The following SEC23A variants were observed in gnomAD, a reference collection of about 807,000 sequenced individuals.
The protein encoded by SEC23A is SEC23 homolog A, COPII component, also known as protein transport protein Sec23A.
Under a neutral mutation model 103.7 loss-of-function variants are expected in SEC23A, and 56 were observed. That is an observed-to-expected ratio of 0.54 (90% CI 0.44 to 0.67). The LOEUF is 0.67. SEC23A is among the 30% of genes least tolerant of loss of function. The pLI, the probability that SEC23A is intolerant of heterozygous loss-of-function variation, is 0.00. For missense variants in SEC23A, 784 were observed against 936.4 expected (o/e 0.84, Z 2.12); for synonymous variants, 281 against 293.0 (o/e 0.96, Z 0.42).
At position 39,085,776 on chromosome 14, in the gene SEC23A, C is replaced by T. The variant is rs759006114; in HGVS notation, c.814G>A (p.Val272Ile). ...ATCTTCCCTACCTCCAGCAGTCCTA[C>T]AGCTATGGAAAGTGCCACCCCAGAG... is the stretch of plus-strand genomic sequence containing the variant. ...RSSGVALSIAVGLLECTFPNT... is the reference protein window; with the variant it reads ...RSSGVALSIAIGLLECTFPNT... The change falls in exon 7 of 20, where the codon GTA becomes ATA. Residue 272 changes from valine to isoleucine, a missense_variant. This residue lies in a region of SEC23A where 683 missense variants were observed against 774.2 expected (regional missense o/e 0.88). Coordinates refer to ENST00000307712, the MANE Select transcript of SEC23A (RefSeq NM_006364.4). 32 of 1,613,420 alleles carry T rather than the reference C, an allele frequency of 2.0e-5. No homozygotes were observed. In the Middle Eastern group the frequency reaches 4.9e-4, roughly 25 times the overall value.
At chr14:39,099,391 C>A (rs991750693) in intron 1 of SEC23A, among the ~76,000 whole-genome samples, 1 of 151,882 alleles carries the variant, frequency 6.6e-6, no homozygotes, top group African/African-American at 2.4e-5. Flanking sequence ...ATTGTCTGAC[C>A]TCGTGATCCG....
In SEC23A at chr14:39,055,179, A is replaced by G; in HGVS notation, c.1623T>C (p.Asp541=). The change falls in exon 14 of 20, where the codon GAT becomes GAC. Residue 541 remains aspartate, a synonymous_variant. Transcript: ENST00000307712. Reference sequence around the variant, plus strand: ...GCTGTCTGTCCAGCCACCTAAGCACATCTGGACCTTCTTCTGTTTCTGCTC... The same window carrying G: ...GCTGTCTGTCCAGCCACCTAAGCACGTCTGGACCTTCTTCTGTTTCTGCTC... ...IYRAETEEGP[D]VLRWLDRQLI... 1 of 1,614,202 alleles carries G rather than the reference A, an allele frequency of 6.2e-7. No homozygotes were observed. Among genetic ancestry groups the G allele is most frequent in the Non-Finnish European group, 8.5e-7 (1 of 1,180,042 alleles).
intron 7 of SEC23A, among the ~76,000 whole-genome samples, chr14:39,083,414 T>C (rs918831836): frequency 2.6e-5 from 4 of 152,064 alleles, no homozygotes; most frequent in Non-Finnish European, 4.4e-5. Flanking sequence ...CCCACCTATC[T>C]GGATGGAACC....
intron 17 of SEC23A, chr14:39,041,187 T>C (rs994791148): frequency 2.6e-5 from 6 of 232,514 alleles, no homozygotes; most frequent in African/African-American, 1.2e-4. Flanking sequence ...AAGCTTATGA[T>C]ACGTGAAAGC....
intron 7 of SEC23A, among the ~76,000 whole-genome samples, chr14:39,081,971 A>C (rs1003705777): frequency 1.3e-5 from 2 of 152,082 alleles, no homozygotes; most frequent in Non-Finnish European, 2.9e-5. Flanking sequence ...CAAGGCTAAA[A>C]GGAAACAGGG....
intron 1 of SEC23A, among the ~76,000 whole-genome samples, 166 bp from the exon 2 acceptor site, chr14:39,096,305 C>A (rs915532247): frequency 1.3e-5 from 2 of 152,088 alleles, no homozygotes; most frequent in African/African-American, 4.8e-5. Flanking sequence ...CCGAGACAGG[C>A]GGATCACCTG....
intron 9 of SEC23A, among the ~76,000 whole-genome samples, chr14:39,071,448 C>G (rs1886837092): frequency 6.6e-6 from 1 of 152,184 alleles, no homozygotes; most frequent in Non-Finnish European, 1.5e-5. Flanking sequence ...ACCTGGAAGG[C>G]TGAGGCACAA....
intron 9 of SEC23A, among the ~76,000 whole-genome samples, chr14:39,068,248 G>A (rs1221266692): frequency 6.6e-6 from 1 of 151,984 alleles, no homozygotes; most frequent in African/African-American, 2.4e-5. Context: ...ATGTTGGTGA[G>A]GCTATGGAAA....
chr14:39,091,825 T>C, intron 4 of SEC23A, 112 bp from the exon 5 acceptor site: 1 of 757,156 alleles, frequency 1.3e-6, no homozygotes, highest in East Asian at 2.6e-5. Context: ...AGTAAAGCCA[T>C]TTCAGAAATG....
intron 7 of SEC23A, among the ~76,000 whole-genome samples, chr14:39,082,449 G>T (rs1311821541): frequency 6.6e-6 from 1 of 151,912 alleles, no homozygotes; most frequent in Admixed American, 6.6e-5. Context: ...GAGTACACTG[G>T]TTATTCACAT....
intron 1 of SEC23A, among the ~76,000 whole-genome samples, chr14:39,100,461 G>T (rs1419052197): frequency 1.4e-5 from 2 of 147,770 alleles, no homozygotes; most frequent in East Asian, 3.9e-4. Context: ...TGCCCAGGCT[G>T]GAGTGCAATG....
intron 17 of SEC23A, among the ~76,000 whole-genome samples, chr14:39,042,411 A>C (rs1309845204): frequency 6.6e-6 from 1 of 152,246 alleles, no homozygotes; most frequent in African/African-American, 2.4e-5. Flanking sequence ...AGAACACTTA[A>C]TAATAACTTA....
intron 5 of SEC23A, among the ~76,000 whole-genome samples, chr14:39,088,891 A>G (rs1168168058): frequency 1.3e-5 from 2 of 151,690 alleles, no homozygotes; most frequent in East Asian, 1.9e-4. Flanking sequence ...AAAATTGGCC[A>G]GGCGCGGTGG....
chr14:39,081,783 A>G (rs1192784303), intron 7 of SEC23A, among the ~76,000 whole-genome samples: 1 of 152,174 alleles, frequency 6.6e-6, no homozygotes, highest in Non-Finnish European at 1.5e-5. Context: ...TAATAGAGAT[A>G]TAGATGCATA....
intron 2 of SEC23A, among the ~76,000 whole-genome samples, chr14:39,093,622 G>A (rs1566513842): frequency 2.0e-5 from 3 of 152,196 alleles, no homozygotes; most frequent in East Asian, 1.9e-4. Context: ...TCATCCAGGC[G>A]TGGTGGCACA....
At chr14:39,046,457 G>A (rs1208936541) in intron 15 of SEC23A, among the ~76,000 whole-genome samples, 1 of 152,068 alleles carries the variant, frequency 6.6e-6, no homozygotes, top group Non-Finnish European at 1.5e-5. Flanking sequence ...TGGGTGACAA[G>A]AGTGAGACTC....
chr14:39,045,167 G>A lies in SEC23A; in HGVS notation c.1895C>T (p.Pro632Leu). Residue 632 changes from proline to leucine, a missense_variant, in exon 16 of 20, where the codon CCA becomes CTA. Pro to Leu is a moderately conservative substitution (Grantham distance 98, BLOSUM62 -3). Transcript: ENST00000307712. ...ILYAYSFSGPPEPVLLDSSSI... is the reference protein window; with the variant it reads ...ILYAYSFSGPLEPVLLDSSSI... ...ATTTTTTTCTGTCCCTCTTACCTCT[G>A]GTGGTCCACTAAAAGAATACGCATA... 6.2e-7 allele frequency: 1 copy of A among 1,612,906 alleles called. No homozygotes were observed. The highest frequency in any genetic ancestry group is 1.7e-5 in the Admixed American group (1 of 59,964).
In SEC23A at chr14:39,042,816, T is replaced by C; in HGVS notation, c.1956A>G (p.Thr652=). The C allele has an allele frequency of 1.9e-6, 3 of 1,611,744 alleles. No individual in the cohort carries two copies. The highest frequency in any genetic ancestry group is 2.2e-5 in the East Asian group (1 of 44,804). ...CATGATAAATCAAAATCTGGAAGAATGTGTCCATGAGAAGAATACGATCTG... is the reference window on the plus strand; with the variant it reads ...CATGATAAATCAAAATCTGGAAGAACGTGTCCATGAGAAGAATACGATCTG... ...ILADRILLMD[T]FFQILIYHGE... The change falls in exon 17 of 20, where the codon ACA becomes ACG. Residue 652 remains threonine (T), a synonymous_variant. Transcript: ENST00000307712.
intron 6 of SEC23A, 152 bp from the exon 7 acceptor site, chr14:39,086,058 G>A: frequency 1.4e-6 from 1 of 716,934 alleles, no homozygotes; most frequent in Non-Finnish European, 2.4e-6. Flanking sequence ...AGAACCAGCT[G>A]GAGGGCTTGT....
Sources: allele counts gnomAD v4.1 joint callset (sites outside exome capture counted in the v4.1 genomes callset), GRCh38; gene constraint gnomAD v4.1.1; regional missense constraint gnomAD v4.1.1; transcripts MANE v1.5; gene names NCBI Gene and HGNC (gene_info 2026-07-23, HGNC 2026-07-21).